Variants in C12orf42 observed in about 807,000 individuals in gnomAD.
C12orf42 encodes uncharacterized protein C12orf42.
In C12orf42, 25 loss-of-function variants were observed where a neutral mutation model predicts 21.6. The ratio of observed to expected loss-of-function variants is 1.16; its 90% confidence interval spans 0.84 to 1.62. The LOEUF (loss-of-function observed/expected upper bound fraction) is 1.62, where lower values mean the gene tolerates loss of function less well. Among genes scored for constraint, C12orf42 ranks in the 40% most tolerant of loss-of-function variants. C12orf42 has a pLI of 0.00. For synonymous variants in C12orf42, 174 were observed against 175.0 expected (o/e 0.99, Z 0.05); for missense variants, 483 against 459.3 (o/e 1.05, Z -0.47).
At chr12:103,111,699 G>A in the C12orf42 span, among the ~76,000 whole-genome samples, 5 of 152,106 alleles carry the variant, frequency 3.3e-5, no homozygotes, top group Non-Finnish European at 5.9e-5. Context: ...TTATCCGGTG[G>A]TCTCTCATTC....
chr12:103,124,312 A>T, the C12orf42 span, among the ~76,000 whole-genome samples: 1 of 152,042 alleles, frequency 6.6e-6, no homozygotes, highest in South Asian at 2.1e-4. Flanking sequence ...TCCACAGAAA[A>T]GTGTGTACCA....
intron 4 of C12orf42, among the ~76,000 whole-genome samples, chr12:103,330,754 C>A (rs1310040436): frequency 6.6e-6 from 1 of 152,120 alleles, no homozygotes; most frequent in Admixed American, 6.5e-5. Context: ...TATGTTCTTA[C>A]CTGGATTCTC....
chr12:103,485,949 T>C lies in C12orf42; in HGVS notation c.-21-7502A>G, dbSNP rs577660541. Among the ~76,000 whole-genome samples the C allele has an allele frequency of 2.6e-5, 4 of 152,344 alleles. No homozygotes were observed. The South Asian group carries it at 8.3e-4, about 32-fold the overall frequency. On this transcript the variant is annotated intron_variant, in intron 1 of 5. Coordinates refer to ENST00000548883, the MANE Select transcript of C12orf42 (RefSeq NM_198521.5). ...ACAATTTGACTTCCTCTTTTCCTAA[T>C]TGCATACCCTTTATTTCTTTCTCTT...
At chr12:103,113,892 C>G in the C12orf42 span, among the ~76,000 whole-genome samples, 6 of 152,302 alleles carry the variant, frequency 3.9e-5, no homozygotes, top group East Asian at 1.2e-3. Flanking sequence ...CCAGGTTGCA[C>G]ATTTATTTCA....
chr12:103,384,086 G>T (rs1308274720), intron 3 of C12orf42, among the ~76,000 whole-genome samples: 1 of 152,178 alleles, frequency 6.6e-6, no homozygotes, highest in South Asian at 2.1e-4. Flanking sequence ...TCAAAGTGTT[G>T]TTATTTGTCT....
chr12:103,215,710 T>C, the C12orf42 span, among the ~76,000 whole-genome samples: 1 of 152,246 alleles, frequency 6.6e-6, no homozygotes, highest in African/African-American at 2.4e-5. Context: ...ATCAAGAAAG[T>C]GCACCCTCCA....
At chr12:103,304,816 GGAA>G (rs2136506579) in intron 5 of C12orf42, among the ~76,000 whole-genome samples, 1 of 152,264 alleles carries the variant, frequency 6.6e-6, no homozygotes, top group African/African-American at 2.4e-5. Flanking sequence ...TAGCCTTTCT[GGAA>G]GAAGGTCTCC....
chr12:103,354,251 AG>A (rs2043337399), intron 4 of C12orf42, among the ~76,000 whole-genome samples: 1 of 152,128 alleles, frequency 6.6e-6, no homozygotes, highest in African/African-American at 2.4e-5. Flanking sequence ...ACCTTCCCAA[AG>A]CACATTTAGA....
chr12:103,553,586 G>C, the C12orf42 span, among the ~76,000 whole-genome samples: 1 of 152,154 alleles, frequency 6.6e-6, no homozygotes, highest in Non-Finnish European at 1.5e-5. Flanking sequence ...TTATTTATAA[G>C]ACCATAGTAT....
intron 4 of C12orf42, among the ~76,000 whole-genome samples, chr12:103,309,948 G>A (rs1036323747): frequency 2.0e-5 from 3 of 152,216 alleles, no homozygotes; most frequent in African/African-American, 7.2e-5. Context: ...GGGATACCCT[G>A]GGGTGATATG....
At chr12:103,112,938 T>G in the C12orf42 span, among the ~76,000 whole-genome samples, 1 of 152,248 alleles carries the variant, frequency 6.6e-6, no homozygotes, top group Non-Finnish European at 1.5e-5. Flanking sequence ...TTACTGGTCA[T>G]GTAATCTTGT....
At chr12:103,519,856 G>A in the C12orf42 span, among the ~76,000 whole-genome samples, 1 of 152,146 alleles carries the variant, frequency 6.6e-6, no homozygotes. Flanking sequence ...AAAAGGTCAT[G>A]GATCTGAATA....
chr12:103,387,489 C>T (rs1277263534), intron 3 of C12orf42, among the ~76,000 whole-genome samples: 16 of 152,316 alleles, frequency 1.1e-4, no homozygotes, highest in Non-Finnish European at 4.4e-5. Flanking sequence ...TATTACCTGT[C>T]TTGTCCAGAA....
the C12orf42 span, among the ~76,000 whole-genome samples, chr12:103,104,631 G>A: frequency 4.1e-3 from 627 of 152,266 alleles, 1 homozygote; most frequent in Non-Finnish European, 6.4e-3. Flanking sequence ...AGTAGAGATG[G>A]GTTTTCACCA....
At chr12:103,534,520 G>A in the C12orf42 span, among the ~76,000 whole-genome samples, 1 of 152,072 alleles carries the variant, frequency 6.6e-6, no homozygotes, top group South Asian at 2.1e-4. Flanking sequence ...GAATGAATGA[G>A]CTCATTCATT....
chr12:103,132,125 G>A, the C12orf42 span, among the ~76,000 whole-genome samples: 8 of 152,126 alleles, frequency 5.3e-5, no homozygotes, highest in Admixed American at 2.0e-4. Flanking sequence ...ATCCTTTTCT[G>A]AGACACATGA....
chr12:103,536,297 G>C, the C12orf42 span, among the ~76,000 whole-genome samples: 1 of 152,192 alleles, frequency 6.6e-6, no homozygotes. Flanking sequence ...GGATGATTTA[G>C]ATCTGTACAT....
chr12:103,533,164 C>T, the C12orf42 span, among the ~76,000 whole-genome samples: 2 of 152,152 alleles, frequency 1.3e-5, no homozygotes, highest in Non-Finnish European at 2.9e-5. Flanking sequence ...TGGTTATGTC[C>T]TCTAACTCAA....
At chr12:103,264,518 C>T (rs1018277398), downstream of C12orf42, among the ~76,000 whole-genome samples, 2 of 152,060 alleles carry the variant, frequency 1.3e-5, no homozygotes, top group African/African-American at 2.4e-5. Flanking sequence ...TGATAGGTCC[C>T]CTATAAATAT....
Sources: gnomAD v4.1 joint callset for allele counts (sites outside exome capture counted in the v4.1 genomes callset) on GRCh38, gnomAD v4.1.1 for gene constraint, MANE v1.5 for transcripts, NCBI Gene and HGNC (gene_info 2026-07-23, HGNC 2026-07-21) for gene names.